ACTR3: variants seen among roughly 807,000 people sequenced by gnomAD.
The protein encoded by ACTR3 is actin related protein 3, also known as actin-related protein 3.
A neutral mutation model predicts 56.8 loss-of-function variants in ACTR3; 12 were observed. That is an observed-to-expected ratio of 0.21 (90% CI 0.14 to 0.34). ACTR3 has a LOEUF of 0.34. Among genes scored for constraint, ACTR3 ranks in the 10% least tolerant of loss-of-function variants. The probability of loss-of-function intolerance (pLI) is 1.00; values close to 1 mark genes in which losing one functional copy is unlikely to be tolerated. For missense variants in ACTR3, 282 were observed against 512.5 expected (o/e 0.55, Z 4.34); for synonymous variants, 162 against 167.4 (o/e 0.97, Z 0.25).
At position 113,933,677 on chromosome 2, in the gene ACTR3, AT is replaced by A. The variant is rs1167918809; in HGVS notation, c.433-582del. Among the ~76,000 whole-genome samples the A allele has an allele frequency of 1.0e-2, 1,233 of 123,782 alleles. 7 individuals are homozygous for A. Among genetic ancestry groups the A allele is most frequent in the Middle Eastern group, 0.038 (9 of 236 alleles). 81.2% of individuals were successfully genotyped at this position (123,782 alleles called of 152,430 possible). On this transcript the variant is annotated intron_variant, in intron 5 of 11. Transcript: ENST00000263238. The stretch of plus-strand genomic sequence containing the variant: ...AGTTCTGGCAAGTTAGTTCTATACA[AT>A]TTTTTTTTTTTTTTTTTTTGAGATG...
rs985567251 is a variant in ACTR3 at position 113,960,619 on chromosome 2, C to T, written c.*3164C>T. 7 of 151,844 alleles carry T rather than the reference C, an allele frequency of 4.6e-5. No individual in the cohort carries two copies. The highest frequency in any genetic ancestry group is 1.7e-4 in the African/African-American group (7 of 41,374). The allele number at this position is 151,844 out of a possible 1,614,324, so 9.4% of individuals were successfully genotyped here. ...TACCATAGTAAAGGATGTTTTTGTT[C>T]CTCTTCATTCTGGGCTAATCTGTCA... is the stretch of plus-strand genomic sequence containing the variant. On this transcript the variant is annotated 3_prime_UTR_variant, in exon 12 of 12. Coordinates refer to ENST00000263238, the MANE Select transcript of ACTR3 (RefSeq NM_005721.5).
chr2:113,951,895 T>C, intron 10 of ACTR3, 50 bp downstream of exon 10: 1 of 1,601,898 alleles, frequency 6.2e-7, no homozygotes, highest in Non-Finnish European at 8.5e-7. Flanking sequence ...CTTCCTTGAT[T>C]AGGATGAGAA....
At chr2:113,914,324 A>T (rs1429318152) in intron 2 of ACTR3, among the ~76,000 whole-genome samples, 2 of 152,076 alleles carry the variant, frequency 1.3e-5, no homozygotes, top group African/African-American at 4.8e-5. Context: ...AAGAAATAAC[A>T]CTGTCTGGCC....
At chr2:113,929,942 G>A (rs1406176154) in intron 4 of ACTR3, among the ~76,000 whole-genome samples, 4 of 152,170 alleles carry the variant, frequency 2.6e-5, no homozygotes, top group African/African-American at 9.7e-5. Flanking sequence ...GCCTCCCAAA[G>A]TGCTGGGATT....
chr2:113,926,534 G>C (rs540564496), intron 3 of ACTR3, among the ~76,000 whole-genome samples: 2 of 152,136 alleles, frequency 1.3e-5, no homozygotes, highest in African/African-American at 4.8e-5. Context: ...AGATGAGTTG[G>C]CCACATCTGA....
chr2:113,942,316 G>T lies in ACTR3; in HGVS notation c.815G>T (p.Gly272Val). The T allele has an allele frequency of 6.3e-7, 1 of 1,591,148 alleles. No homozygotes were observed. The highest frequency in any genetic ancestry group is 1.9e-5 in the Admixed American group (1 of 53,834). The change falls in exon 8 of 12, where the codon GGT becomes GTT. Residue 272 changes from glycine to valine, a missense_variant. Physicochemically the swap from Gly to Val is moderately radical, Grantham distance 109. Transcript: ENST00000263238. ...AAGAAAGAGTTTTCTATCGATGTTGGTTATGAGAGATTTTTGGGACCTGAA... is the reference window on the plus strand; with the variant it reads ...AAGAAAGAGTTTTCTATCGATGTTGTTTATGAGAGATTTTTGGGACCTGAA... ...ISKKEFSIDV[G>V]YERFLGPEIF... is the part of the protein sequence containing the mutation.
chr2:113,921,865 A>C (rs918126219), intron 3 of ACTR3, among the ~76,000 whole-genome samples: 2 of 152,196 alleles, frequency 1.3e-5, no homozygotes, highest in Non-Finnish European at 2.9e-5. Context: ...AGACGGGTTG[A>C]CATTACCTAG....
intron 11 of ACTR3, among the ~76,000 whole-genome samples, chr2:113,956,211 TTA>T (rs1011796734): frequency 6.6e-6 from 1 of 151,452 alleles, no homozygotes. Context: ...ATGTTTAAAT[TTA>T]TATATATATA....
At chr2:113,942,615 A>C (rs1679944525) in intron 8 of ACTR3, among the ~76,000 whole-genome samples, 1 of 152,080 alleles carries the variant, frequency 6.6e-6, no homozygotes. Flanking sequence ...GGGGTCATGA[A>C]AAGAGGAGAG....
chr2:113,957,352 G>T lies in ACTR3; in HGVS notation c.1162-8G>T. The T allele has an allele frequency of 6.2e-7, 1 of 1,606,400 alleles. No individual in the cohort carries two copies. Among genetic ancestry groups the T allele is most frequent in the Admixed American group, 1.7e-5 (1 of 59,444 alleles). On this transcript the variant is annotated splice_polypyrimidine_tract_variant and splice_region_variant and intron_variant, in intron 11 of 11. Coordinates refer to ENST00000263238, the MANE Select transcript of ACTR3 (RefSeq NM_005721.5). Reference sequence around the variant, plus strand: ...ACCCTTATAAAAATACATATTTTTTGTTTTCAGCCTGAGTTCTACCAAGTA... The same window carrying T: ...ACCCTTATAAAAATACATATTTTTTTTTTTCAGCCTGAGTTCTACCAAGTA...
At chr2:113,901,744 C>A (rs1047702879) in intron 1 of ACTR3, among the ~76,000 whole-genome samples, 1 of 151,924 alleles carries the variant, frequency 6.6e-6, no homozygotes, top group African/African-American at 2.4e-5. Context: ...AAACTTGTTC[C>A]GTATGTAGAG....
intron 1 of ACTR3, among the ~76,000 whole-genome samples, chr2:113,896,220 A>AC (rs753357896): frequency 3.3e-5 from 5 of 151,900 alleles, no homozygotes; most frequent in Non-Finnish European, 7.4e-5. Context: ...AGTGCCTGGC[A>AC]CACAGTAAGG....
chr2:113,928,471 T>C (rs544865719), intron 4 of ACTR3, among the ~76,000 whole-genome samples: 22 of 152,288 alleles, frequency 1.4e-4, no homozygotes, highest in African/African-American at 4.8e-4. Flanking sequence ...AATTTACATA[T>C]CATAAAATCA....
At chr2:113,953,594 C>A (rs1049575015) in intron 10 of ACTR3, 18 of 152,126 alleles carry the variant, frequency 1.2e-4, no homozygotes, top group African/African-American at 4.3e-4. Flanking sequence ...CTATCTATCT[C>A]TGGCTTTATT....
intron 4 of ACTR3, among the ~76,000 whole-genome samples, chr2:113,929,424 T>C (rs1173861339): frequency 6.6e-6 from 1 of 152,128 alleles, no homozygotes; most frequent in African/African-American, 2.4e-5. Flanking sequence ...CATGCCTGGC[T>C]TAGTTCTAGT....
At chr2:113,902,869 G>C (rs893507104) in intron 1 of ACTR3, among the ~76,000 whole-genome samples, 1 of 152,186 alleles carries the variant, frequency 6.6e-6, no homozygotes, top group Non-Finnish European at 1.5e-5. Flanking sequence ...AAAGTGCTGG[G>C]ATTACAGGGA....
chr2:113,917,973 G>C (rs554819672), intron 3 of ACTR3, among the ~76,000 whole-genome samples: 11 of 152,192 alleles, frequency 7.2e-5, no homozygotes, highest in Non-Finnish European at 1.6e-4. Flanking sequence ...ATAGGAGTTA[G>C]CTGCTGAGGT....
rs150531065 is a variant in ACTR3 at position 113,919,260 on chromosome 2, A to G, written c.225+2252A>G. ...GCTTAAATTTCTTTGATTATTTACT[A>G]TATTGGTTATTCTGTTTGAATCAAC... On this transcript the variant is annotated intron_variant, in intron 3 of 11. Transcript: ENST00000263238. 2.2e-4 allele frequency among the ~76,000 whole-genome samples: 34 copies of G among 152,312 alleles called. No homozygotes were observed. The East Asian group carries it at 4.8e-3, about 22-fold the overall frequency.
chr2:113,909,438 G>T (rs1198896402), intron 1 of ACTR3, among the ~76,000 whole-genome samples: 4 of 151,960 alleles, frequency 2.6e-5, no homozygotes, highest in Non-Finnish European at 4.4e-5. Context: ...ACTGTAATGT[G>T]GTCTGTACTT....
Sources: gnomAD v4.1 joint callset for allele counts (sites outside exome capture counted in the v4.1 genomes callset) on GRCh38, gnomAD v4.1.1 for gene constraint, MANE v1.5 for transcripts, NCBI Gene and HGNC (gene_info 2026-07-23, HGNC 2026-07-21) for gene names.